PARP4: variants seen among roughly 807,000 people sequenced by gnomAD.
PARP4 encodes the protein protein mono-ADP-ribosyltransferase PARP4.
A neutral mutation model predicts 187.7 loss-of-function variants in PARP4; 120 were observed. The observed-to-expected ratio is 0.64, with a 90% CI of 0.55 to 0.74. The LOEUF is 0.74. Ranked by LOEUF, PARP4 falls within the 30% of genes least tolerant of loss-of-function variation. The pLI, the probability that PARP4 is intolerant of heterozygous loss-of-function variation, is 0.00. For synonymous variants in PARP4, 654 were observed against 740.9 expected, an observed-to-expected ratio of 0.88 and a Z score of 1.90; for missense variants, 1,836 against 2,070.5, an observed-to-expected ratio of 0.89 and a Z score of 2.20.
chr13:24,427,014 A>T (rs1255639544), intron 32 of PARP4, among the ~76,000 whole-genome samples: 1 of 152,072 alleles, frequency 6.6e-6, no homozygotes, highest in African/African-American at 2.4e-5. Context: ...ATAAAAAATG[A>T]GGACAGTTAG....
intron 15 of PARP4, among the ~76,000 whole-genome samples, chr13:24,474,055 G>T (rs9553312): frequency 0.52 from 79,003 of 151,920 alleles, 20,739 homozygotes; most frequent in South Asian, 0.65. Context: ...CAAGACCTAC[G>T]TGGCCAAAGA....
At position 24,460,134 on chromosome 13, in the gene PARP4, G is replaced by A. The variant is rs546060407; in HGVS notation, c.2136C>T (p.Asp712=). Residue 712 remains aspartate (D), a splice_region_variant and synonymous_variant, in exon 18 of 34, where the codon GAC becomes GAT. Transcript: ENST00000381989. ...AGTTTCCAACACTTACAGTAAAAAC[G>A]TCCTGAAACAGAAACATATGACTTA... ...GAYLMSQDAP[D]VFTVSVGNLP... The A allele has an allele frequency of 1.6e-5, 25 of 1,611,450 alleles. No homozygotes were observed. Among genetic ancestry groups the A allele is most frequent in the South Asian group, 5.5e-5 (5 of 90,680 alleles).
chr13:24,509,980 A>G (rs1373292130), intron 1 of PARP4, among the ~76,000 whole-genome samples: 21 of 152,188 alleles, frequency 1.4e-4, no homozygotes, highest in Admixed American at 1.1e-3. Context: ...GATTACAGGC[A>G]TGAGCCACCA....
intron 15 of PARP4, among the ~76,000 whole-genome samples, chr13:24,473,912 C>T (rs1872847532): frequency 6.6e-6 from 1 of 152,184 alleles, no homozygotes; most frequent in South Asian, 2.1e-4. Context: ...CCCTACGTCT[C>T]CACGTTGGCC....
At chr13:24,472,835 T>A (rs1033820940) in intron 15 of PARP4, among the ~76,000 whole-genome samples, 3 of 151,954 alleles carry the variant, frequency 2.0e-5, no homozygotes, top group Non-Finnish European at 2.9e-5. Flanking sequence ...CTTTCTGAGC[T>A]TCAGTGCAGA....
intron 12 of PARP4, among the ~76,000 whole-genome samples, chr13:24,479,825 C>G (rs149329969): frequency 1.3e-5 from 2 of 152,222 alleles, no homozygotes; most frequent in Non-Finnish European, 2.9e-5. Context: ...TCGCTCTTTG[C>G]AATAAATCTT....
intron 12 of PARP4, among the ~76,000 whole-genome samples, chr13:24,481,730 C>T (rs1187033932): frequency 6.6e-6 from 1 of 152,024 alleles, no homozygotes; most frequent in Non-Finnish European, 1.5e-5. Flanking sequence ...ACATTTTGGC[C>T]AGGTATGCCT....
intron 15 of PARP4, among the ~76,000 whole-genome samples, chr13:24,470,360 C>T (rs867259260): frequency 6.6e-6 from 1 of 152,150 alleles, no homozygotes; most frequent in Non-Finnish European, 1.5e-5. Flanking sequence ...ATGCCTCCTT[C>T]GTGCCATGTT....
chr13:24,444,314 T>G (rs1347534306), intron 27 of PARP4, among the ~76,000 whole-genome samples: 3 of 152,310 alleles, frequency 2.0e-5, no homozygotes, highest in Admixed American at 6.5e-5. Flanking sequence ...TATTTTACCT[T>G]CTTTCCCCCT....
At chr13:24,460,271 A>C in intron 17 of PARP4, 135 bp from the exon 18 acceptor site, 1 of 727,892 alleles carries the variant, frequency 1.4e-6, no homozygotes. Context: ...ATAAAACCTA[A>C]AAGACACATT....
intron 10 of PARP4, among the ~76,000 whole-genome samples, chr13:24,490,164 G>A (rs975963164): frequency 1.3e-5 from 2 of 152,218 alleles, no homozygotes; most frequent in African/African-American, 4.8e-5. Flanking sequence ...GGGCTCATCT[G>A]AGCAGGTGGT....
intron 17 of PARP4, among the ~76,000 whole-genome samples, chr13:24,463,380 T>TA (rs1171955288): frequency 6.6e-6 from 1 of 151,726 alleles, no homozygotes; most frequent in Non-Finnish European, 1.5e-5. Context: ...AAAAAGAAAA[T>TA]AAAGAAAACT....
At chr13:24,478,961 CT>C (rs938165563) in intron 12 of PARP4, among the ~76,000 whole-genome samples, 2 of 152,150 alleles carry the variant, frequency 1.3e-5, no homozygotes, top group African/African-American at 4.8e-5. Flanking sequence ...TGCACTAAAG[CT>C]CAGAAAGGAA....
chr13:24,430,070 G>A (rs1021056293), intron 32 of PARP4, among the ~76,000 whole-genome samples: 9 of 152,190 alleles, frequency 5.9e-5, no homozygotes, highest in Admixed American at 2.0e-4. Flanking sequence ...GGCCTTCAAA[G>A]AATGGTTTTA....
intron 8 of PARP4, 71 bp downstream of exon 8, chr13:24,493,525 G>A (rs1487450429): frequency 2.8e-6 from 4 of 1,448,482 alleles, no homozygotes; most frequent in Non-Finnish European, 3.8e-6. Flanking sequence ...GCAAACACAC[G>A]TGTTATTGCT....
At chr13:24,509,811 G>A (rs1282326619) in intron 1 of PARP4, among the ~76,000 whole-genome samples, 3 of 151,618 alleles carry the variant, frequency 2.0e-5, no homozygotes, top group Admixed American at 1.3e-4. Context: ...AGTAATTCTC[G>A]TGCCTCAGCC....
At chr13:24,466,130 T>G (rs1872454902) in intron 17 of PARP4, among the ~76,000 whole-genome samples, 1 of 152,262 alleles carries the variant, frequency 6.6e-6, no homozygotes. Context: ...ATGTAATTAG[T>G]GGCTACCATA....
chr13:24,458,632 G>A (rs902544499), intron 20 of PARP4, among the ~76,000 whole-genome samples: 5 of 151,992 alleles, frequency 3.3e-5, no homozygotes, highest in Non-Finnish European at 7.4e-5. Flanking sequence ...ACATTTCTTG[G>A]CTCAGTGGTA....
At position 24,508,133 on chromosome 13, in the gene PARP4, A is replaced by G. The variant is rs374359980; in HGVS notation, c.-1-4356T>C. On this transcript the variant is annotated intron_variant, in intron 1 of 33. Transcript: ENST00000381989. The stretch of plus-strand genomic sequence containing the variant: ...ACCATAAAAGAGATTACACCACACT[A>G]TTTAGGTTAATCTATGCTAGTCGTA... 3.9e-5 allele frequency among the ~76,000 whole-genome samples: 6 copies of G among 152,212 alleles called. No individual in the cohort carries two copies. The East Asian group carries it at 9.6e-4, about 24-fold the overall frequency.
Sources: gnomAD v4.1 joint callset for allele counts (sites outside exome capture counted in the v4.1 genomes callset) on GRCh38, gnomAD v4.1.1 for gene constraint, MANE v1.5 for transcripts, NCBI Gene and HGNC (gene_info 2026-07-23, HGNC 2026-07-21) for gene names.